Variants in DESI2 observed in about 807,000 individuals in gnomAD.
DESI2 encodes the protein desumoylating isopeptidase 2, also known as deubiquitinase DESI2.
Under a neutral mutation model 24.1 loss-of-function variants are expected in DESI2, and 10 were observed. The observed-to-expected ratio is 0.41, with a 90% CI of 0.26 to 0.70. The LOEUF (loss-of-function observed/expected upper bound fraction) is 0.70, where lower values mean the gene tolerates loss of function less well. Ranked by LOEUF, DESI2 falls within the 30% of genes least tolerant of loss-of-function variation. DESI2 has a pLI of 0.29. For synonymous variants in DESI2, 71 were observed against 87.7 expected (o/e 0.81, Z 1.06); for missense variants, 122 against 234.9 (o/e 0.52, Z 3.14).
intron 1 of DESI2, among the ~76,000 whole-genome samples, chr1:244,655,254 G>C (rs984162870): frequency 6.6e-6 from 1 of 152,198 alleles, no homozygotes; most frequent in African/African-American, 2.4e-5. Context: ...TAAGTGATCT[G>C]CCTAAACAAC....
chr1:244,704,585 C>T (rs999939598), intron 4 of DESI2, among the ~76,000 whole-genome samples: 14 of 152,170 alleles, frequency 9.2e-5, no homozygotes, highest in Admixed American at 3.9e-4. Flanking sequence ...GAAGCATGGC[C>T]AGGCTTCCAT....
intron 4 of DESI2, among the ~76,000 whole-genome samples, chr1:244,692,552 AAAGT>A (rs1198230766): frequency 6.6e-6 from 1 of 152,178 alleles, no homozygotes; most frequent in African/African-American, 2.4e-5. Context: ...GAAAGATTAT[AAAGT>A]AAGGTCTAGG....
chr1:244,685,040 C>T (rs978707742), intron 1 of DESI2, among the ~76,000 whole-genome samples: 1 of 152,130 alleles, frequency 6.6e-6, no homozygotes, highest in African/African-American at 2.4e-5. Context: ...AAATTCCGAT[C>T]AAGAGGGATA....
rs1186499884 is a variant in DESI2 at position 244,707,741 on chromosome 1, T to C, written c.*1952T>C. 1 of 152,236 alleles carries C rather than the reference T, an allele frequency of 6.6e-6. No individual in the cohort carries two copies. Among genetic ancestry groups the C allele is most frequent in the Non-Finnish European group, 1.5e-5 (1 of 68,044 alleles). The allele number at this position is 152,236 out of a possible 1,614,324, so 9.4% of individuals were successfully genotyped here. A position where few individuals can be genotyped will look rare whatever the true frequency, so the allele number is the denominator to read the frequency against. ...CACACAGTAGCCATTAGTTAGACTC[T>C]TCTTAGTGAATATCAGGAACATCCC... On this transcript the variant is annotated 3_prime_UTR_variant, in exon 5 of 5. Coordinates refer to ENST00000302550, the MANE Select transcript of DESI2 (RefSeq NM_016076.5).
At chr1:244,696,869 T>C (rs769962895) in intron 4 of DESI2, among the ~76,000 whole-genome samples, 2 of 151,838 alleles carry the variant, frequency 1.3e-5, no homozygotes. Flanking sequence ...CCTCTGGGAC[T>C]CTGGGATTTT....
In DESI2 at chr1:244,653,361, T is replaced by TGCGGCCCCTG. The variant is rs1299832874; in HGVS notation, c.42+15_42+24dup. 57 of 1,543,624 alleles carry TGCGGCCCCTG rather than the reference T, an allele frequency of 3.7e-5. No homozygotes were observed. The highest frequency in any genetic ancestry group is 1.7e-4 in the Middle Eastern group (1 of 5,886). Reference sequence around the variant, plus strand: ...TGCTCAACGTGTACGACATGGTGAGTGCGGCCCCTGGCGGCCCCGAGCCCT... The same window carrying TGCGGCCCCTG: ...TGCTCAACGTGTACGACATGGTGAGTGCGGCCCCTGGCGGCCCCTGGCGGCCCCGAGCCCT... On this transcript the variant is annotated splice_region_variant and intron_variant, in intron 1 of 4. Transcript: ENST00000302550.
At chr1:244,671,148 C>G (rs2148791621) in intron 1 of DESI2, among the ~76,000 whole-genome samples, 1 of 152,306 alleles carries the variant, frequency 6.6e-6, no homozygotes, top group East Asian at 1.9e-4. Flanking sequence ...TAGCATCTGG[C>G]TGCTTTACTG....
intron 4 of DESI2, among the ~76,000 whole-genome samples, chr1:244,695,281 A>ATTATGAACCTCTCACTAGC (rs1677172524): frequency 6.6e-6 from 1 of 152,232 alleles, no homozygotes; most frequent in South Asian, 2.1e-4. Flanking sequence ...CAGATGCCTA[A>ATTATGAACCTCTCACTAGC]TTATGAACCT....
chr1:244,660,636 AAAT>A (rs1229031553), intron 1 of DESI2, among the ~76,000 whole-genome samples: 2 of 152,246 alleles, frequency 1.3e-5, no homozygotes, highest in African/African-American at 4.8e-5. Context: ...AGAAAGGCAA[AAAT>A]AATAATAAAA....
intron 1 of DESI2, among the ~76,000 whole-genome samples, chr1:244,680,085 G>C (rs190043727): frequency 8.0e-5 from 11 of 137,484 alleles, no homozygotes; most frequent in African/African-American, 2.4e-4. Flanking sequence ...TCCTTTAATT[G>C]CCGTAAGAGT....
At chr1:244,666,017 C>G (rs934626156) in intron 1 of DESI2, among the ~76,000 whole-genome samples, 2 of 152,184 alleles carry the variant, frequency 1.3e-5, no homozygotes, top group Non-Finnish European at 2.9e-5. Flanking sequence ...TCTCACTTTA[C>G]AATTGTGACC....
At chr1:244,704,338 G>A (rs777876291) in intron 4 of DESI2, among the ~76,000 whole-genome samples, 5 of 152,240 alleles carry the variant, frequency 3.3e-5, no homozygotes, top group Middle Eastern at 6.8e-3. Context: ...GTGGCAGTGG[G>A]GCATGAACGG....
chr1:244,688,816 C>G (rs1558663204), intron 2 of DESI2, among the ~76,000 whole-genome samples: 1 of 152,154 alleles, frequency 6.6e-6, no homozygotes, highest in African/African-American at 2.4e-5. Flanking sequence ...AACCAATAGT[C>G]TTTATCCCAG....
chr1:244,690,970 CT>C (rs1249736292), intron 3 of DESI2, among the ~76,000 whole-genome samples: 1 of 152,204 alleles, frequency 6.6e-6, no homozygotes, highest in Non-Finnish European at 1.5e-5. Flanking sequence ...GGCAAGACTA[CT>C]TGATAAAAGG....
At chr1:244,674,291 C>T (rs1184694162) in intron 1 of DESI2, among the ~76,000 whole-genome samples, 6 of 150,564 alleles carry the variant, frequency 4.0e-5, no homozygotes, top group African/African-American at 1.2e-4. Context: ...CTGCACCCGG[C>T]CGATTTACTT....
At chr1:244,690,628 C>G (rs528837269) in intron 3 of DESI2, among the ~76,000 whole-genome samples, 15 of 151,478 alleles carry the variant, frequency 9.9e-5, no homozygotes, top group Admixed American at 9.2e-4. Flanking sequence ...TTGCTTGAAC[C>G]TGGGAGGCAG....
At position 244,667,098 on chromosome 1, in the gene DESI2, C is replaced by T. The variant is rs1676073168; in HGVS notation, c.42+13743C>T. On this transcript the variant is annotated intron_variant, in intron 1 of 4. Coordinates refer to ENST00000302550, the MANE Select transcript of DESI2 (RefSeq NM_016076.5). The stretch of plus-strand genomic sequence containing the variant: ...ATAGCCAAACCATATCATTCCACCC[C>T]TGGTCCCTCCAAATCTCATGTCCTC... Among the ~76,000 whole-genome samples the T allele has an allele frequency of 2.0e-5, 3 of 152,134 alleles. No homozygotes were observed. In the South Asian group the frequency reaches 6.2e-4, roughly 32 times the overall value.
chr1:244,663,829 T>C (rs1001146659), intron 1 of DESI2, among the ~76,000 whole-genome samples: 32 of 151,710 alleles, frequency 2.1e-4, no homozygotes, highest in Non-Finnish European at 3.4e-4. Flanking sequence ...CCATCCTGGC[T>C]AACACGGTGA....
chr1:244,695,425 C>T (rs376793189), intron 4 of DESI2, among the ~76,000 whole-genome samples: 1 of 152,154 alleles, frequency 6.6e-6, no homozygotes, highest in East Asian at 1.9e-4. Flanking sequence ...AGGCCAAGGT[C>T]GGGGGATCAC....
Sources: gnomAD v4.1 joint callset for allele counts (sites outside exome capture counted in the v4.1 genomes callset) on GRCh38, gnomAD v4.1.1 for gene constraint, MANE v1.5 for transcripts, NCBI Gene and HGNC (gene_info 2026-07-23, HGNC 2026-07-21) for gene names.